Variants in FTO observed in about 807,000 individuals in gnomAD.
The protein encoded by FTO is alpha-ketoglutarate-dependent dioxygenase FTO.
A neutral mutation model predicts 63.9 loss-of-function variants in FTO; 47 were observed. That is an observed-to-expected ratio of 0.74 (90% CI 0.58 to 0.94). The LOEUF is 0.94. Ranked by LOEUF, FTO falls within the 40% of genes least tolerant of loss-of-function variation. The probability of loss-of-function intolerance (pLI) is 0.00; values close to 1 mark genes in which losing one functional copy is unlikely to be tolerated. For missense variants in FTO, 562 were observed against 618.1 expected (o/e 0.91, Z 0.96); for synonymous variants, 207 against 224.4 (o/e 0.92, Z 0.69).
intron 8 of FTO, among the ~76,000 whole-genome samples, chr16:54,096,480 T>G (rs1009020376): frequency 2.6e-5 from 4 of 152,206 alleles, no homozygotes; most frequent in African/African-American, 9.7e-5. Context: ...TGGAGCAGTT[T>G]ATTATCTGTA....
chr16:53,867,738 A>G (rs1293059831), intron 4 of FTO, among the ~76,000 whole-genome samples: 1 of 152,102 alleles, frequency 6.6e-6, no homozygotes, highest in African/African-American at 2.4e-5. Context: ...GCTCAGTTCA[A>G]CTATGTCCTT....
In FTO at chr16:53,980,649, T is replaced by C. The variant is rs1333892417; in HGVS notation, c.1364+46540T>C. ...AAAGCTGTATGTAAAACCTCTTGTT[T>C]ATAAATCCAAGGTGGCATTAAGCAG... On this transcript the variant is annotated intron_variant, in intron 8 of 8. Coordinates refer to ENST00000471389, the MANE Select transcript of FTO (RefSeq NM_001080432.3). 2.0e-5 allele frequency among the ~76,000 whole-genome samples: 3 copies of C among 152,224 alleles called. No individual in the cohort carries two copies. In the East Asian group the frequency reaches 5.8e-4, roughly 29 times the overall value.
chr16:53,770,318 C>A (rs563058111), intron 1 of FTO, among the ~76,000 whole-genome samples: 28 of 152,176 alleles, frequency 1.8e-4, no homozygotes, highest in African/African-American at 6.3e-4. Flanking sequence ...TTTGGAATTT[C>A]CAAGAATTCC....
intron 7 of FTO, among the ~76,000 whole-genome samples, chr16:53,929,421 C>T (rs1220130288): frequency 2.0e-5 from 3 of 152,218 alleles, no homozygotes; most frequent in East Asian, 3.9e-4. Context: ...GATGTACCAC[C>T]GTGTATTTAT....
At chr16:53,977,283 T>C (rs548724058) in intron 8 of FTO, among the ~76,000 whole-genome samples, 2 of 152,206 alleles carry the variant, frequency 1.3e-5, no homozygotes, top group Non-Finnish European at 2.9e-5. Context: ...ATGTGGCCTA[T>C]TACATTATTG....
intron 1 of FTO, among the ~76,000 whole-genome samples, chr16:53,744,222 A>T (rs1246123486): frequency 6.6e-6 from 1 of 152,168 alleles, no homozygotes; most frequent in Non-Finnish European, 1.5e-5. Context: ...GAGCTCATAG[A>T]ATGGAACATT....
chr16:53,751,510 T>C (rs953027796), intron 1 of FTO, among the ~76,000 whole-genome samples: 1 of 152,148 alleles, frequency 6.6e-6, no homozygotes, highest in African/African-American at 2.4e-5. Flanking sequence ...CACCATGGAC[T>C]AATGTTGAAA....
intron 7 of FTO, among the ~76,000 whole-genome samples, chr16:53,924,907 C>T (rs1481903129): frequency 1.3e-5 from 2 of 152,106 alleles, no homozygotes; most frequent in Non-Finnish European, 2.9e-5. Context: ...AATGTGAAGG[C>T]ATCACTCAGC....
chr16:53,925,141 G>A lies in FTO; in HGVS notation c.1240-8844G>A, dbSNP rs576657604. On this transcript the variant is annotated intron_variant, in intron 7 of 8. Transcript: ENST00000471389. ...TTTGAAGAGGGGAGCCCTGGTTGGG[G>A]CTTTTGACAGCCTGTGGCAATGTTG... Among the ~76,000 whole-genome samples the A allele has an allele frequency of 2.8e-4, 43 of 151,820 alleles. 1 individual carries two copies. The South Asian group carries it at 9.0e-3, about 32-fold the overall frequency.
At chr16:53,970,105 G>T (rs534518743) in intron 8 of FTO, among the ~76,000 whole-genome samples, 10 of 152,314 alleles carry the variant, frequency 6.6e-5, no homozygotes, top group Non-Finnish European at 1.2e-4. Flanking sequence ...GCATGGTGAG[G>T]AGAGTAGTAG....
Position 53,923,663 on chromosome 16 carries a change from C to G in FTO, c.1240-10322C>G, listed in dbSNP as rs573015842. Among the ~76,000 whole-genome samples, 7 of 151,866 alleles carry G rather than the reference C, an allele frequency of 4.6e-5. No individual in the cohort carries two copies. In the South Asian group the frequency reaches 6.3e-4, roughly 14 times the overall value. ...TTTTTTCCTCTTTACCTTTCTCCCC[C>G]ACTTTTTCTTTCTTTCTATTTTTTT... On this transcript the variant is annotated intron_variant, in intron 7 of 8. Coordinates refer to ENST00000471389, the MANE Select transcript of FTO (RefSeq NM_001080432.3).
At chr16:53,840,583 T>G (rs1469229925) in intron 3 of FTO, among the ~76,000 whole-genome samples, 1 of 152,230 alleles carries the variant, frequency 6.6e-6, no homozygotes, top group Non-Finnish European at 1.5e-5. Context: ...TACTCAACCT[T>G]GCTGTCTGTG....
intron 8 of FTO, among the ~76,000 whole-genome samples, chr16:53,943,923 C>T (rs1187181919): frequency 1.3e-5 from 2 of 152,154 alleles, no homozygotes; most frequent in Admixed American, 6.5e-5. Flanking sequence ...TTTACTTTTC[C>T]AAGACCTGCG....
At chr16:53,833,354 A>C (rs1397742526) in intron 3 of FTO, among the ~76,000 whole-genome samples, 1 of 152,380 alleles carries the variant, frequency 6.6e-6, no homozygotes, top group East Asian at 1.9e-4. Context: ...AGATTCATCC[A>C]TGTTATGGCA....
chr16:54,019,520 A>G (rs542334111), intron 8 of FTO, among the ~76,000 whole-genome samples: 33 of 152,334 alleles, frequency 2.2e-4, no homozygotes, highest in African/African-American at 7.9e-4. Flanking sequence ...GCTTTGTCCA[A>G]TGTGGAAGGT....
intron 4 of FTO, among the ~76,000 whole-genome samples, chr16:53,854,265 G>A (rs1488114241): frequency 2.0e-5 from 3 of 152,096 alleles, no homozygotes; most frequent in African/African-American, 4.8e-5. Context: ...TAGGTTGTCT[G>A]TTTACTCTGA....
intron 8 of FTO, among the ~76,000 whole-genome samples, chr16:54,053,937 A>G (rs1438666115): frequency 6.6e-6 from 1 of 152,146 alleles, no homozygotes; most frequent in Non-Finnish European, 1.5e-5. Context: ...TTTCTCCTTC[A>G]GCACAAAGCC....
chr16:53,849,171 C>A (rs2079717225), intron 4 of FTO, among the ~76,000 whole-genome samples: 1 of 152,206 alleles, frequency 6.6e-6, no homozygotes, highest in Non-Finnish European at 1.5e-5. Flanking sequence ...AGACTCACCG[C>A]ATTGTCAATT....
chr16:53,776,361 T>C (rs2077459571), intron 1 of FTO, among the ~76,000 whole-genome samples: 1 of 152,202 alleles, frequency 6.6e-6, no homozygotes, highest in Non-Finnish European at 1.5e-5. Flanking sequence ...CCCATGGGCC[T>C]TAAGCGAATT....
Sources: allele counts gnomAD v4.1 joint callset (sites outside exome capture counted in the v4.1 genomes callset), GRCh38; gene constraint gnomAD v4.1.1; transcripts MANE v1.5; gene names NCBI Gene and HGNC (gene_info 2026-07-23, HGNC 2026-07-21).